The following ARPC5 variants were observed in gnomAD, a reference collection of about 807,000 sequenced individuals.
The protein encoded by ARPC5 is actin related protein 2/3 complex subunit 5, also known as actin-related protein 2/3 complex subunit 5.
Under a neutral mutation model 15.4 loss-of-function variants are expected in ARPC5, and 5 were observed. That is an observed-to-expected ratio of 0.32 (90% CI 0.17 to 0.68). The LOEUF (loss-of-function observed/expected upper bound fraction) is 0.68, where lower values mean the gene tolerates loss of function less well. Ranked by LOEUF, ARPC5 falls within the 30% of genes least tolerant of loss-of-function variation. The pLI, the probability that ARPC5 is intolerant of heterozygous loss-of-function variation, is 0.71. For missense variants in ARPC5, 138 were observed against 192.8 expected (o/e 0.72, Z 1.68); for synonymous variants, 85 against 72.2 (o/e 1.18, Z -0.90).
chr1:183,632,544 T>G (rs1216603090), intron 2 of ARPC5: 1 of 152,300 alleles, frequency 6.6e-6, no homozygotes. Context: ...GGAAAGCTCA[T>G]GTACATTGCA....
Position 183,622,310 on chromosome 1 carries a change from G to A in ARPC5, c.*5222C>T, listed in dbSNP as rs1232772892. On this transcript the variant is annotated 3_prime_UTR_variant, in exon 4 of 4. Coordinates refer to ENST00000359856, the MANE Select transcript of ARPC5 (RefSeq NM_005717.4). ...CAATATGAACAAATTATTTGAAAAC[G>A]AATAAAAACTAAAATGAATAAAATA... The A allele has an allele frequency of 6.6e-6, 1 of 151,992 alleles. No homozygotes were observed. The highest frequency in any genetic ancestry group is 6.6e-5 in the Admixed American group (1 of 15,260). The allele number at this position is 151,992 out of a possible 1,614,324, so 9.4% of individuals were successfully genotyped here. A position where few individuals can be genotyped will look rare whatever the true frequency, so the allele number is the denominator to read the frequency against.
Position 183,622,590 on chromosome 1 carries a change from G to T in ARPC5, c.*4942C>A, listed in dbSNP as rs1648968751. On this transcript the variant is annotated 3_prime_UTR_variant, in exon 4 of 4. Transcript: ENST00000359856. Reference sequence around the variant, plus strand: ...ATCTTTAAGGAAAACAAGGGGTATTGGGTCACATCTCTGCTCTTAGAAGGT... The same window carrying T: ...ATCTTTAAGGAAAACAAGGGGTATTTGGTCACATCTCTGCTCTTAGAAGGT... The T allele has an allele frequency of 6.6e-6, 1 of 152,162 alleles. No homozygotes were observed. Among genetic ancestry groups the T allele is most frequent in the African/African-American group, 2.4e-5 (1 of 41,434 alleles). 9.4% of individuals were successfully genotyped at this position (152,162 alleles called of 1,614,324 possible).
Position 183,628,226 on chromosome 1 carries a change from A to C in ARPC5, c.394-632T>G, listed in dbSNP as rs1018552852. 4.2e-4 allele frequency among the ~76,000 whole-genome samples: 64 copies of C among 150,678 alleles called. 1 individual carries two copies. The highest frequency in any genetic ancestry group is 1.6e-3 in the African/African-American group (64 of 41,250). ...AATCTGCAGCATAGTGTTCCTGCTC[A>C]AAACAGGTGGACATTCTGCATTTCT... On this transcript the variant is annotated intron_variant, in intron 3 of 3. Coordinates refer to ENST00000359856, the MANE Select transcript of ARPC5 (RefSeq NM_005717.4).
In ARPC5 at chr1:183,628,185, A is replaced by AT. The variant is rs1356500207; in HGVS notation, c.394-592_394-591insA. Among the ~76,000 whole-genome samples, 9 of 127,582 alleles carry AT rather than the reference A, an allele frequency of 7.1e-5. 1 individual carries two copies. Among genetic ancestry groups the AT allele is most frequent in the Admixed American group, 1.4e-4 (2 of 13,972 alleles). 83.7% of individuals were successfully genotyped at this position (127,582 alleles called of 152,430 possible). ...AAGACTCCGTCTCAAAAAAAAAAAA[A>AT]AAAAAAAAAAAAAAAAATCTGCAGC... is the stretch of plus-strand genomic sequence containing the variant. On this transcript the variant is annotated intron_variant, in intron 3 of 3. Transcript: ENST00000359856.
At chr1:183,630,749 T>A (rs1649240271) in intron 2 of ARPC5, 112 bp from the exon 3 acceptor site, 1 of 1,004,358 alleles carries the variant, frequency 1.0e-6, no homozygotes, top group Non-Finnish European at 1.4e-6. Flanking sequence ...CTGAAGGACG[T>A]GAAAGAAGGC....
chr1:183,628,259 A>G (rs981545267), intron 3 of ARPC5, among the ~76,000 whole-genome samples: 3 of 149,788 alleles, frequency 2.0e-5, no homozygotes, highest in Non-Finnish European at 4.4e-5. Flanking sequence ...TCTCATTCTC[A>G]CCACATAGTC....
rs900549134 is a variant in ARPC5, at chr1:183,623,926, G to A, written c.*3606C>T. Reference sequence around the variant, plus strand: ...TAATCCGAGCTACTCAGGAGGCTGAGGCAGGAGAATCGCTTGAGCCTGGGA... The same window carrying A: ...TAATCCGAGCTACTCAGGAGGCTGAAGCAGGAGAATCGCTTGAGCCTGGGA... On this transcript the variant is annotated 3_prime_UTR_variant, in exon 4 of 4. Transcript: ENST00000359856. The A allele has an allele frequency of 4.4e-5, 8 of 181,550 alleles. No homozygotes were observed. The highest frequency in any genetic ancestry group is 8.0e-5 in the Non-Finnish European group (7 of 87,506). The allele number at this position is 181,550 out of a possible 1,614,324, so 11.2% of individuals were successfully genotyped here.
chr1:183,635,669 G>A lies in ARPC5; in HGVS notation c.-10C>T, dbSNP rs763110536. 1.9e-6 allele frequency: 3 copies of A among 1,609,026 alleles called. No homozygotes were observed. Among genetic ancestry groups the A allele is most frequent in the South Asian group, 1.1e-5 (1 of 90,326 alleles). On this transcript the variant is annotated 5_prime_UTR_variant, in exon 1 of 4. Coordinates refer to ENST00000359856, the MANE Select transcript of ARPC5 (RefSeq NM_005717.4). ...CTGTGTTCTTCGACATCCCAATCCCGACCAGCGGCAAAGGCCTCTTCTTGG... is the reference window on the plus strand; with the variant it reads ...CTGTGTTCTTCGACATCCCAATCCCAACCAGCGGCAAAGGCCTCTTCTTGG...
At position 183,635,545 on chromosome 1, in the gene ARPC5, C is replaced by G. The variant is rs555941856; in HGVS notation, c.115G>C (p.Glu39Gln). Residue 39 changes from glutamate to glutamine, a missense_variant, in exon 1 of 4, where the codon GAG (glutamate) becomes CAG (glutamine). By Grantham distance (29) the Glu-to-Gln change is conservative. This residue lies in a region of ARPC5 where 121 missense variants were observed against 153.7 expected (regional missense o/e 0.79). Coordinates refer to ENST00000359856, the MANE Select transcript of ARPC5 (RefSeq NM_005717.4). ...DGGDGQAGPDEGEVDSCLRQG... is the reference protein window; with the variant it reads ...DGGDGQAGPDQGEVDSCLRQG... ...CGCAGGCAGGAGTCCACCTCGCCCT[C>G]GTCGGGCCCGGCCTGGCCGTCGCCC... The G allele has an allele frequency of 2.5e-6, 4 of 1,612,922 alleles. No homozygotes were observed. The South Asian group carries it at 3.3e-5, about 13-fold the overall frequency.
Position 183,623,294 on chromosome 1 carries a change from C to T in ARPC5, c.*4238G>A. 1 of 838,438 alleles carries T rather than the reference C, an allele frequency of 1.2e-6. No individual in the cohort carries two copies. Among genetic ancestry groups the T allele is most frequent in the Non-Finnish European group, 1.9e-6 (1 of 521,450 alleles). 51.9% of individuals were successfully genotyped at this position (838,438 alleles called of 1,614,324 possible). A position where few individuals can be genotyped will look rare whatever the true frequency, so the allele number is the denominator to read the frequency against. On this transcript the variant is annotated 3_prime_UTR_variant, in exon 4 of 4. Coordinates refer to ENST00000359856, the MANE Select transcript of ARPC5 (RefSeq NM_005717.4). ...ATTATTTATGTTGATTACTCTTACA[C>T]ACTCAAGTAACAGAAATGATAAAGG...
chr1:183,632,495 C>G (rs570865058), intron 2 of ARPC5: 2 of 152,074 alleles, frequency 1.3e-5, no homozygotes, highest in Non-Finnish European at 2.9e-5. Context: ...GCAGCTTATC[C>G]ATATACAAGT....
intron 2 of ARPC5, chr1:183,631,152 G>A (rs968147685): frequency 6.6e-6 from 1 of 152,618 alleles, no homozygotes; most frequent in Non-Finnish European, 1.5e-5. Flanking sequence ...AGCAGTGGAG[G>A]TGGTAAGAAA....
intron 2 of ARPC5, 108 bp from the exon 3 acceptor site, chr1:183,630,745 G>T: frequency 9.5e-7 from 1 of 1,056,560 alleles, no homozygotes; most frequent in Non-Finnish European, 1.3e-6. Flanking sequence ...GGACCTGAAG[G>T]ACGTGAAAGA....
At position 183,624,761 on chromosome 1, in the gene ARPC5, A is replaced by G. The variant is rs1649045704; in HGVS notation, c.*2771T>C. ...CATTTACAGTCAAATGCTAAATTGT[A>G]TGACGTTAATTCTCTTTTTTTTTGT... is the stretch of plus-strand genomic sequence containing the variant. On this transcript the variant is annotated 3_prime_UTR_variant, in exon 4 of 4. Transcript: ENST00000359856. The G allele has an allele frequency of 6.6e-6, 1 of 152,162 alleles. No homozygotes were observed. The allele number at this position is 152,162 out of a possible 1,614,324, so 9.4% of individuals were successfully genotyped here. A position where few individuals can be genotyped will look rare whatever the true frequency, so the allele number is the denominator to read the frequency against.
At chr1:183,633,506 A>T (rs111763751) in intron 1 of ARPC5, 3 of 158,678 alleles carry the variant, frequency 1.9e-5, no homozygotes, top group African/African-American at 7.2e-5. Context: ...AGTCCCCCAA[A>T]TGAAATAACC....
Position 183,625,429 on chromosome 1 carries a change from A to G in ARPC5, c.*2103T>C, listed in dbSNP as rs1336188894. On this transcript the variant is annotated 3_prime_UTR_variant, in exon 4 of 4. Coordinates refer to ENST00000359856, the MANE Select transcript of ARPC5 (RefSeq NM_005717.4). ...TCTTGTGAACAAATATGAACTCCAG[A>G]ATTTTTCCAAACGCTTCAGTTATGA... 1 of 152,234 alleles carries G rather than the reference A, an allele frequency of 6.6e-6. No homozygotes were observed. Among genetic ancestry groups the G allele is most frequent in the Non-Finnish European group, 1.5e-5 (1 of 68,044 alleles). 9.4% of individuals were successfully genotyped at this position (152,234 alleles called of 1,614,324 possible). A position where few individuals can be genotyped will look rare whatever the true frequency, so the allele number is the denominator to read the frequency against.
intron 3 of ARPC5, among the ~76,000 whole-genome samples, chr1:183,628,090 G>A (rs58972766): frequency 0.082 from 11,871 of 144,148 alleles, 898 homozygotes; most frequent in African/African-American, 0.21. Flanking sequence ...GGACAATGGT[G>A]TGAACCCAGG....
chr1:183,630,399 T>G lies in ARPC5; in HGVS notation c.393+62A>C, dbSNP rs1038919016. The G allele has an allele frequency of 6.8e-6, 9 of 1,319,734 alleles. No homozygotes were observed. The South Asian group carries it at 1.4e-4, about 21-fold the overall frequency. The allele number at this position is 1,319,734 out of a possible 1,614,324, so 81.8% of individuals were successfully genotyped here. On this transcript the variant is annotated intron_variant, in intron 3 of 3. Transcript: ENST00000359856. ...AAAATGGTTATTTAGGTGAGAGAGG[T>G]TGTCATTGTCATTCCCTATTGTAAA...
intron 3 of ARPC5, among the ~76,000 whole-genome samples, chr1:183,627,819 A>G (rs534266533): frequency 4.6e-5 from 7 of 152,220 alleles, no homozygotes; most frequent in Non-Finnish European, 7.3e-5. Context: ...TCATGAAGTT[A>G]CATTCTAGTG....
Sources: allele counts gnomAD v4.1 joint callset (sites outside exome capture counted in the v4.1 genomes callset), GRCh38; gene constraint gnomAD v4.1.1; regional missense constraint gnomAD v4.1.1; transcripts MANE v1.5; gene names NCBI Gene and HGNC (gene_info 2026-07-23, HGNC 2026-07-21).